Variants in UNC5D observed in about 807,000 individuals in gnomAD.
UNC5D encodes the protein unc-5 netrin receptor D.
UNC5D carries 39 observed loss-of-function variants against 105.4 expected under a neutral mutation model. The ratio of observed to expected loss-of-function variants is 0.37; its 90% CI spans 0.29 to 0.48. The LOEUF is 0.48. Among genes scored for constraint, UNC5D ranks in the 20% least tolerant of loss-of-function variants. The probability of loss-of-function intolerance (pLI) is 0.98; values close to 1 mark genes in which losing one functional copy is unlikely to be tolerated. For synonymous variants in UNC5D, 452 were observed against 450.4 expected (o/e 1.00, Z -0.04); for missense variants, 991 against 1,202.4 (o/e 0.82, Z 2.60).
intron 1 of UNC5D, among the ~76,000 whole-genome samples, chr8:35,401,852 G>A (rs543927499): frequency 5.9e-5 from 9 of 152,284 alleles, no homozygotes; most frequent in African/African-American, 1.9e-4. Context: ...AAAAGAAACT[G>A]GCAAAGTCGG....
At chr8:35,699,498 G>T (rs993748808) in intron 7 of UNC5D, among the ~76,000 whole-genome samples, 3 of 152,186 alleles carry the variant, frequency 2.0e-5, no homozygotes, top group South Asian at 2.1e-4. Context: ...ACTCATAGAA[G>T]TTGTTATTTA....
chr8:35,461,102 A>C (rs1808854952), intron 1 of UNC5D, among the ~76,000 whole-genome samples: 1 of 152,140 alleles, frequency 6.6e-6, no homozygotes, highest in Admixed American at 6.6e-5. Context: ...GTGGACATAA[A>C]CTCCTAAAGG....
intron 1 of UNC5D, among the ~76,000 whole-genome samples, chr8:35,406,626 G>A (rs1301731803): frequency 6.6e-6 from 1 of 152,140 alleles, no homozygotes; most frequent in Non-Finnish European, 1.5e-5. Flanking sequence ...TGAGTGAAGT[G>A]TGGGAAGGCC....
At chr8:35,455,466 A>G (rs1441024090) in intron 1 of UNC5D, among the ~76,000 whole-genome samples, 8 of 151,890 alleles carry the variant, frequency 5.3e-5, no homozygotes, top group Admixed American at 5.3e-4. Context: ...CTTAGTAGAG[A>G]CGGGGTTTTG....
intron 1 of UNC5D, among the ~76,000 whole-genome samples, chr8:35,437,025 A>T (rs1326685444): frequency 1.3e-5 from 2 of 151,750 alleles, no homozygotes; most frequent in Non-Finnish European, 2.9e-5. Flanking sequence ...TCATTGAGAC[A>T]GTGTCTCACC....
intron 1 of UNC5D, among the ~76,000 whole-genome samples, chr8:35,368,256 G>A (rs1283355735): frequency 2.6e-5 from 4 of 152,186 alleles, no homozygotes; most frequent in South Asian, 2.1e-4. Flanking sequence ...CAACAAACTG[G>A]TTTTAGAGCT....
intron 16 of UNC5D, among the ~76,000 whole-genome samples, chr8:35,784,696 C>T (rs7818709): frequency 0.048 from 7,258 of 151,902 alleles, 443 homozygotes; most frequent in African/African-American, 0.14. Context: ...TGCAGTCAGC[C>T]GAGATCATAC....
At chr8:35,667,731 C>T (rs1824520989) in intron 4 of UNC5D, among the ~76,000 whole-genome samples, 1 of 152,116 alleles carries the variant, frequency 6.6e-6, no homozygotes, top group Non-Finnish European at 1.5e-5. Flanking sequence ...TGTTGATCTG[C>T]TTTTTATGCT....
chr8:35,461,290 T>A (rs1430527724), intron 1 of UNC5D, among the ~76,000 whole-genome samples: 1 of 152,188 alleles, frequency 6.6e-6, no homozygotes, highest in Non-Finnish European at 1.5e-5. Context: ...GCTGGGGGCC[T>A]TTTTATGCTT....
Position 35,344,453 on chromosome 8 carries a change from T to C in UNC5D, c.103+108566T>C, listed in dbSNP as rs555038286. The stretch of plus-strand genomic sequence containing the variant: ...CCTACTGTGTAACTACAGAAGACTG[T>C]AAATGATATCCTTAGATATGCTGAA... On this transcript the variant is annotated intron_variant, in intron 1 of 16. Transcript: ENST00000404895. Among the ~76,000 whole-genome samples, 74 of 152,166 alleles carry C rather than the reference T, an allele frequency of 4.9e-4. 1 individual carries two copies. The highest frequency in any genetic ancestry group is 1.7e-3 in the African/African-American group (71 of 41,540).
chr8:35,736,538 C>G (rs936383758), intron 11 of UNC5D, among the ~76,000 whole-genome samples: 2 of 152,102 alleles, frequency 1.3e-5, no homozygotes, highest in African/African-American at 4.8e-5. Context: ...AAACCAAAAC[C>G]ATAGTTGATA....
At chr8:35,428,600 G>A (rs369543122) in intron 1 of UNC5D, among the ~76,000 whole-genome samples, 4 of 151,790 alleles carry the variant, frequency 2.6e-5, no homozygotes, top group East Asian at 3.9e-4. Context: ...GATGTTTGGC[G>A]GCTATGATAC....
At chr8:35,576,400 G>A (rs531296444) in intron 3 of UNC5D, among the ~76,000 whole-genome samples, 1 of 152,308 alleles carries the variant, frequency 6.6e-6, no homozygotes, top group South Asian at 2.1e-4. Context: ...AACGCCAGAG[G>A]CAGCATCACA....
chr8:35,318,228 T>C (rs1265458611), intron 1 of UNC5D, among the ~76,000 whole-genome samples: 2 of 152,098 alleles, frequency 1.3e-5, no homozygotes, highest in East Asian at 3.9e-4. Flanking sequence ...AATATTATAC[T>C]TTGTCAGGGA....
In UNC5D at chr8:35,549,358, T is replaced by C. The variant is rs756719258; in HGVS notation, c.170T>C (p.Ile57Thr). The C allele has an allele frequency of 5.0e-6, 8 of 1,613,620 alleles. No homozygotes were observed. Among genetic ancestry groups the C allele is most frequent in the South Asian group, 2.2e-5 (2 of 91,068 alleles). ...GCTCCTGGGACACTGCCTCATTTCA[T>C]AGAGGAGCCAGATGATGCTTATATT... Reference protein sequence around the residue: ...PSAPGTLPHFIEEPDDAYIIK... With the variant: ...PSAPGTLPHFTEEPDDAYIIK... The change falls in exon 2 of 17, where the codon ATA (isoleucine) becomes ACA (threonine). Residue 57 changes from isoleucine to threonine, a missense_variant. Around this residue, in one of 3 missense-constraint regions of UNC5D, gnomAD observed 944 missense variants for 1,131.6 expected, o/e 0.83. Transcript: ENST00000404895.
chr8:35,788,478 G>A (rs901008938), intron 16 of UNC5D, among the ~76,000 whole-genome samples: 7 of 152,044 alleles, frequency 4.6e-5, no homozygotes, highest in Admixed American at 2.6e-4. Flanking sequence ...CTTTGTCTTC[G>A]TCATAGAAAA....
chr8:35,697,269 A>C (rs1826850969), intron 7 of UNC5D, among the ~76,000 whole-genome samples: 2 of 151,926 alleles, frequency 1.3e-5, no homozygotes, highest in Admixed American at 1.3e-4. Context: ...CACATATTAA[A>C]CATATATATA....
At chr8:35,464,273 G>A (rs990055564) in intron 1 of UNC5D, among the ~76,000 whole-genome samples, 4 of 152,108 alleles carry the variant, frequency 2.6e-5, no homozygotes, top group African/African-American at 9.7e-5. Flanking sequence ...GTTGCTGTGA[G>A]CCAAGATTGC....
intron 1 of UNC5D, among the ~76,000 whole-genome samples, chr8:35,301,575 A>G (rs1312468030): frequency 6.6e-5 from 10 of 152,268 alleles, no homozygotes; most frequent in African/African-American, 2.4e-4. Context: ...TGGTAGGCTG[A>G]GGTATTTCTG....
Sources: gnomAD v4.1 joint callset for allele counts (sites outside exome capture counted in the v4.1 genomes callset) on GRCh38, gnomAD v4.1.1 for gene constraint, gnomAD v4.1.1 regional missense constraint, MANE v1.5 for transcripts, NCBI Gene and HGNC (gene_info 2026-07-23, HGNC 2026-07-21) for gene names.